DGKD: variants seen among roughly 807,000 people sequenced by gnomAD.
DGKD encodes diacylglycerol kinase delta.
A neutral mutation model predicts 154.4 loss-of-function variants in DGKD; 68 were observed. The observed-to-expected ratio is 0.44, with a 90% CI of 0.36 to 0.54. The LOEUF (loss-of-function observed/expected upper bound fraction) is 0.54, where lower values mean the gene tolerates loss of function less well. DGKD is among the 20% of genes least tolerant of loss of function. The pLI is 0.00. For synonymous variants in DGKD, 693 were observed against 638.0 expected (o/e 1.09, Z -1.30); for missense variants, 1,343 against 1,593.6 (o/e 0.84, Z 2.68).
intron 3 of DGKD, among the ~76,000 whole-genome samples, chr2:233,411,464 G>A (rs974843258): frequency 6.6e-6 from 1 of 152,160 alleles, no homozygotes; most frequent in Non-Finnish European, 1.5e-5. Flanking sequence ...ATCTTTTCAT[G>A]TGTTTGTTGG....
chr2:233,433,603 G>T (rs1474169351), intron 3 of DGKD, among the ~76,000 whole-genome samples: 2 of 152,154 alleles, frequency 1.3e-5, no homozygotes, highest in South Asian at 2.1e-4. Flanking sequence ...TTATAACACA[G>T]AGAAAGGATA....
intron 18 of DGKD, among the ~76,000 whole-genome samples, chr2:233,454,057 G>T (rs916143204): frequency 7.9e-5 from 12 of 152,346 alleles, no homozygotes; most frequent in Admixed American, 5.2e-4. Flanking sequence ...AAGATGGGCA[G>T]CTGCTGTGGG....
In DGKD at chr2:233,450,953, CA is replaced by C. The variant is rs767079381; in HGVS notation, c.2073del (p.Ser693ValfsTer4). On this transcript the variant is annotated frameshift_variant, in exon 17 of 30. Coordinates refer to ENST00000264057, the MANE Select transcript of DGKD (RefSeq NM_152879.3). LOFTEE classifies it high-confidence loss of function. Reference sequence around the variant, plus strand: ...AATCTCCGTGTGAAAAGCTGATCAGCAAAGGGAGTCTGTCCCTAGGCAGTTC... The same window carrying C: ...AATCTCCGTGTGAAAAGCTGATCAGCAAGGGAGTCTGTCCCTAGGCAGTTC... Reference protein sequence around the residue: ...SKSPCEKLISKGSLSLGSSAS... With the variant: ...SKSPCEKLISXGSLSLGSSAS... 10 of 1,610,778 alleles carry C rather than the reference CA, an allele frequency of 6.2e-6. No individual in the cohort carries two copies. The highest frequency in any genetic ancestry group is 8.5e-6 in the Non-Finnish European group (10 of 1,177,170).
intron 3 of DGKD, among the ~76,000 whole-genome samples, chr2:233,421,673 G>C (rs1042139448): frequency 6.6e-6 from 1 of 151,556 alleles, no homozygotes; most frequent in Middle Eastern, 3.4e-3. Flanking sequence ...CTCCTTCCTC[G>C]CCTCCTCCCC....
intron 28 of DGKD, 94 bp downstream of exon 28, chr2:233,467,297 G>T: frequency 1.1e-6 from 1 of 914,456 alleles, no homozygotes; most frequent in Non-Finnish European, 1.8e-6. Context: ...TGGCCTTGCA[G>T]CTCCTCCCTC....
At chr2:233,443,898 C>T (rs539587490) in intron 10 of DGKD, among the ~76,000 whole-genome samples, 82 of 152,336 alleles carry the variant, frequency 5.4e-4, no homozygotes, top group African/African-American at 1.9e-3. Context: ...GATGTGGTGG[C>T]CATGCCTTCG....
intron 3 of DGKD, among the ~76,000 whole-genome samples, chr2:233,426,498 C>T (rs2062305045): frequency 6.6e-6 from 1 of 152,126 alleles, no homozygotes; most frequent in Non-Finnish European, 1.5e-5. Flanking sequence ...GAGAAGCTAG[C>T]ATCTAATACC....
chr2:233,388,551 C>T, intron 2 of DGKD, 184 bp downstream of exon 2: 1 of 510,690 alleles, frequency 2.0e-6, no homozygotes, highest in East Asian at 3.3e-5. Context: ...TATTTCTTAT[C>T]AAAATTAATT....
intron 1 of DGKD, among the ~76,000 whole-genome samples, chr2:233,382,032 G>A (rs899423754): frequency 1.3e-5 from 2 of 152,144 alleles, no homozygotes; most frequent in Non-Finnish European, 2.9e-5. Context: ...TCAGGAGTTC[G>A]AGACCAGCCT....
At chr2:233,430,072 A>G (rs1168510174) in intron 3 of DGKD, among the ~76,000 whole-genome samples, 2 of 152,266 alleles carry the variant, frequency 1.3e-5, no homozygotes, top group African/African-American at 4.8e-5. Context: ...TAAAAGTTAA[A>G]TAACATATTT....
chr2:233,433,879 C>G (rs1290225247), intron 3 of DGKD, among the ~76,000 whole-genome samples: 1 of 152,072 alleles, frequency 6.6e-6, no homozygotes, highest in Non-Finnish European at 1.5e-5. Flanking sequence ...AGCTTTATTT[C>G]CAGTCAAGTT....
intron 3 of DGKD, among the ~76,000 whole-genome samples, chr2:233,424,736 C>G (rs2062234301): frequency 1.3e-5 from 2 of 152,174 alleles, no homozygotes; most frequent in South Asian, 4.1e-4. Context: ...TGAGCAGGCC[C>G]CTCAGCCGGG....
intron 1 of DGKD, among the ~76,000 whole-genome samples, chr2:233,368,940 C>T (rs953072134): frequency 3.9e-5 from 6 of 152,210 alleles, no homozygotes; most frequent in South Asian, 2.1e-4. Flanking sequence ...GCTGCCAGCC[C>T]ACAGCGTGCA....
At chr2:233,380,974 C>T (rs930167107) in intron 1 of DGKD, among the ~76,000 whole-genome samples, 2 of 152,000 alleles carry the variant, frequency 1.3e-5, no homozygotes, top group Admixed American at 1.3e-4. Flanking sequence ...AGGGTAGTGG[C>T]AATGGGGAAA....
intron 6 of DGKD, 69 bp from the exon 7 acceptor site, chr2:233,436,247 G>T: frequency 6.2e-7 from 1 of 1,602,420 alleles, no homozygotes; most frequent in Non-Finnish European, 8.5e-7. Context: ...TTCACAACGA[G>T]CATTTCCTGG....
chr2:233,468,663 A>C, intron 29 of DGKD, 110 bp downstream of exon 29: 3 of 1,527,418 alleles, frequency 2.0e-6, no homozygotes, highest in Non-Finnish European at 2.6e-6. Context: ...GATTCTTCTC[A>C]GGCTTTCGTG....
At chr2:233,425,231 G>T (rs1466278062) in intron 3 of DGKD, among the ~76,000 whole-genome samples, 1 of 151,998 alleles carries the variant, frequency 6.6e-6, no homozygotes, top group South Asian at 2.1e-4. Flanking sequence ...CTGTCGCCCA[G>T]GCTGGAGTGC....
intron 16 of DGKD, 56 bp from the exon 17 acceptor site, chr2:233,450,866 G>T: frequency 6.4e-7 from 1 of 1,558,974 alleles, no homozygotes; most frequent in Non-Finnish European, 8.8e-7. Context: ...GGACCCCCCA[G>T]GATTTCACAG....
chr2:233,445,860 C>G lies in DGKD; in HGVS notation c.1334+98C>G. ...ACCTGGGGTCTGTGGAAAACATGGG[C>G]CCTCTGAAATTATTTGTAAAGATTT... On this transcript the variant is annotated intron_variant, in intron 11 of 29. Coordinates refer to ENST00000264057, the MANE Select transcript of DGKD (RefSeq NM_152879.3). The surrounding 1 kb of genome is among the most constrained non-coding windows in gnomAD (Gnocchi z 5.5). 2.9e-6 allele frequency: 4 copies of G among 1,365,900 alleles called. No homozygotes were observed. Among genetic ancestry groups the G allele is most frequent in the Non-Finnish European group, 3.9e-6 (4 of 1,026,372 alleles). 84.6% of individuals were successfully genotyped at this position (1,365,900 alleles called of 1,614,324 possible).
Sources: gnomAD v4.1 joint callset for allele counts (sites outside exome capture counted in the v4.1 genomes callset) on GRCh38, gnomAD v4.1.1 for gene constraint, Gnocchi (gnomAD v3.1) non-coding constraint, MANE v1.5 for transcripts, NCBI Gene and HGNC (gene_info 2026-07-23, HGNC 2026-07-21) for gene names.